The following NCAM2 variants were observed in gnomAD, a reference collection of about 807,000 sequenced individuals.
NCAM2 encodes neural cell adhesion molecule 2.
Under a neutral mutation model 98.1 loss-of-function variants are expected in NCAM2, and 30 were observed. The ratio of observed to expected loss-of-function variants is 0.31; its 90% CI spans 0.23 to 0.41. The LOEUF is 0.41. Ranked by LOEUF, NCAM2 falls within the 10% of genes least tolerant of loss-of-function variation. NCAM2 has a pLI of 1.00. For synonymous variants in NCAM2, 368 were observed against 342.4 expected (o/e 1.07, Z -0.83); for missense variants, 867 against 1,005.8 (o/e 0.86, Z 1.87).
At position 21,432,389 on chromosome 21, in the gene NCAM2, A is replaced by G. The variant is rs1324231227; in HGVS notation, c.1654+108A>G. Reference sequence around the variant, plus strand: ...CAACATTTTCTTTTCTTTTAATAAAATGGTGTTGGGAAGATATTTTCTGTG... The same window carrying G: ...CAACATTTTCTTTTCTTTTAATAAAGTGGTGTTGGGAAGATATTTTCTGTG... On this transcript the variant is annotated intron_variant, in intron 12 of 17. Coordinates refer to ENST00000400546, the MANE Select transcript of NCAM2 (RefSeq NM_004540.5). 3 of 1,010,032 alleles carry G rather than the reference A, an allele frequency of 3.0e-6. No homozygotes were observed. In the African/African-American group the frequency reaches 4.9e-5, roughly 16 times the overall value. The allele number at this position is 1,010,032 out of a possible 1,614,324, so 62.6% of individuals were successfully genotyped here.
At chr21:21,015,988 G>A (rs747515719) in intron 1 of NCAM2, among the ~76,000 whole-genome samples, 11 of 152,000 alleles carry the variant, frequency 7.2e-5, no homozygotes, top group Non-Finnish European at 1.3e-4. Flanking sequence ...CATTACAGAC[G>A]TGAGCCACAA....
intron 12 of NCAM2, among the ~76,000 whole-genome samples, chr21:21,451,694 C>T (rs1981097037): frequency 6.6e-6 from 1 of 152,060 alleles, no homozygotes; most frequent in African/African-American, 2.4e-5. Flanking sequence ...CCCTTGGTGA[C>T]AGGACAAGCC....
chr21:21,477,236 AG>A, intron 14 of NCAM2, 54 bp from the exon 15 acceptor site: 1 of 1,346,908 alleles, frequency 7.4e-7, no homozygotes, highest in Non-Finnish European at 1.0e-6. Context: ...TTTTTTAAAA[AG>A]GTGTCACTTT....
intron 16 of NCAM2, among the ~76,000 whole-genome samples, chr21:21,509,358 T>C (rs1988213558): frequency 6.6e-6 from 1 of 152,170 alleles, no homozygotes; most frequent in South Asian, 2.1e-4. Context: ...TGTGCAAATG[T>C]ATTCCATTTT....
At chr21:21,339,784 A>C (rs1217243126) in intron 8 of NCAM2, among the ~76,000 whole-genome samples, 1 of 151,942 alleles carries the variant, frequency 6.6e-6, no homozygotes, top group East Asian at 1.9e-4. Context: ...CAAAAAAGTA[A>C]CTTCTCTGGT....
At chr21:21,209,749 G>C (rs1396496445) in intron 1 of NCAM2, among the ~76,000 whole-genome samples, 4 of 152,156 alleles carry the variant, frequency 2.6e-5, no homozygotes, top group Admixed American at 6.6e-5. Context: ...ACATAAGATG[G>C]AATATACAAT....
intron 7 of NCAM2, among the ~76,000 whole-genome samples, chr21:21,337,241 A>G (rs1232706266): frequency 2.0e-5 from 3 of 152,116 alleles, no homozygotes; most frequent in Non-Finnish European, 2.9e-5. Context: ...AGTGAAAAAG[A>G]AAAAAGATTT....
intron 6 of NCAM2, among the ~76,000 whole-genome samples, chr21:21,325,106 C>G (rs2074479658): frequency 6.6e-6 from 1 of 151,872 alleles, no homozygotes; most frequent in Non-Finnish European, 1.5e-5. Flanking sequence ...ATATTCCATT[C>G]TTTTAGATTG....
intron 8 of NCAM2, among the ~76,000 whole-genome samples, chr21:21,346,896 T>G (rs937328458): frequency 6.6e-6 from 1 of 151,942 alleles, no homozygotes; most frequent in African/African-American, 2.4e-5. Flanking sequence ...GGGAAGTTTA[T>G]AGCTATAGGA....
intron 8 of NCAM2, among the ~76,000 whole-genome samples, chr21:21,370,860 C>G (rs1018758713): frequency 2.6e-5 from 4 of 151,856 alleles, no homozygotes; most frequent in African/African-American, 9.7e-5. Context: ...TGTTGTCTAA[C>G]AAGTATAATT....
At chr21:21,271,209 T>C (rs1374291540) in intron 1 of NCAM2, among the ~76,000 whole-genome samples, 1 of 152,208 alleles carries the variant, frequency 6.6e-6, no homozygotes, top group Non-Finnish European at 1.5e-5. Context: ...ATTTAATTTT[T>C]GTTTTATTTT....
chr21:21,461,776 C>A (rs962037872), intron 12 of NCAM2, among the ~76,000 whole-genome samples: 8 of 151,680 alleles, frequency 5.3e-5, no homozygotes, highest in Non-Finnish European at 1.0e-4. Flanking sequence ...ATAATTTGTG[C>A]AAAAATGTAA....
At chr21:21,294,966 G>A (rs183642694) in intron 5 of NCAM2, among the ~76,000 whole-genome samples, 1 of 151,750 alleles carries the variant, frequency 6.6e-6, no homozygotes, top group East Asian at 2.0e-4. Context: ...CTTTGACTTT[G>A]ACTGCTGCCC....
At chr21:21,525,460 T>C (rs1353963516) in intron 16 of NCAM2, among the ~76,000 whole-genome samples, 1 of 152,124 alleles carries the variant, frequency 6.6e-6, no homozygotes, top group Admixed American at 6.5e-5. Flanking sequence ...CAGCTAAATG[T>C]CACAAAGGAA....
chr21:21,385,820 G>A (rs960318591), intron 9 of NCAM2: 1 of 187,692 alleles, frequency 5.3e-6, no homozygotes, highest in African/African-American at 2.4e-5. Context: ...TCATTACATA[G>A]TAACTATTAA....
At chr21:21,135,083 A>C (rs1371816074) in intron 1 of NCAM2, among the ~76,000 whole-genome samples, 2 of 50,404 alleles carry the variant, frequency 4.0e-5, no homozygotes, top group African/African-American at 1.3e-4. Flanking sequence ...AAAATACAAA[A>C]AAAAAAAAAA....
intron 1 of NCAM2, among the ~76,000 whole-genome samples, chr21:21,023,251 C>A (rs948854905): frequency 6.6e-6 from 1 of 152,054 alleles, no homozygotes; most frequent in African/African-American, 2.4e-5. Flanking sequence ...AGGCTGGGTG[C>A]GGTGGCTCAC....
At chr21:21,005,152 C>G (rs1024515492) in intron 1 of NCAM2, among the ~76,000 whole-genome samples, 2 of 152,096 alleles carry the variant, frequency 1.3e-5, no homozygotes, top group Non-Finnish European at 2.9e-5. Context: ...TGGTTTGACT[C>G]TAGTGTAAAT....
chr21:21,539,311 G>A lies in NCAM2; in HGVS notation c.*1354G>A, dbSNP rs1053496360. ...TTATAAACATACATACCATTTGGGA[G>A]CAGGTTTATTAACCTTGAGAGCCAA... On this transcript the variant is annotated 3_prime_UTR_variant, in exon 18 of 18. Transcript: ENST00000400546. The A allele has an allele frequency of 5.3e-5, 8 of 152,152 alleles. No homozygotes were observed. The highest frequency in any genetic ancestry group is 1.2e-4 in the Non-Finnish European group (8 of 68,030). 9.4% of individuals were successfully genotyped at this position (152,152 alleles called of 1,614,324 possible).
Sources: gnomAD v4.1 joint callset for allele counts (sites outside exome capture counted in the v4.1 genomes callset) on GRCh38, gnomAD v4.1.1 for gene constraint, MANE v1.5 for transcripts, NCBI Gene and HGNC (gene_info 2026-07-23, HGNC 2026-07-21) for gene names.